The following NCAM1 variants were observed in gnomAD, a reference collection of about 807,000 sequenced individuals.
NCAM1 encodes the protein antigen recognized by monoclonal antibody 5.1H11.
Under a neutral mutation model 109.8 loss-of-function variants are expected in NCAM1, and 14 were observed. The ratio of observed to expected loss-of-function variants is 0.13; its 90% CI spans 0.08 to 0.20. The LOEUF (loss-of-function observed/expected upper bound fraction) is 0.20. Among genes scored for constraint, NCAM1 ranks in the 10% least tolerant of loss-of-function variants. The pLI is 1.00. For missense variants in NCAM1, 774 were observed against 1,109.9 expected (o/e 0.70, Z 4.30); for synonymous variants, 418 against 442.9 (o/e 0.94, Z 0.70).
At chr11:113,116,194 A>T (rs1940700829) in intron 1 of NCAM1, among the ~76,000 whole-genome samples, 1 of 152,242 alleles carries the variant, frequency 6.6e-6, no homozygotes, top group South Asian at 2.1e-4. Flanking sequence ...ACTAATTCAT[A>T]TATTTGTAGC....
rs1258138413 is a variant in NCAM1, at chr11:113,145,729, G to C, written c.53-56650G>C. Among the ~76,000 whole-genome samples, 10 of 152,254 alleles carry C rather than the reference G, an allele frequency of 6.6e-5. No individual in the cohort carries two copies. In the East Asian group the frequency reaches 1.5e-3, roughly 24 times the overall value. On this transcript the variant is annotated intron_variant, in intron 1 of 19. Transcript: ENST00000316851. ...TTGAGGTCAGAATGGCATTATCCTT[G>C]TGTGATTGGGAGCATGGACCCCACC...
intron 14 of NCAM1, among the ~76,000 whole-genome samples, chr11:113,244,941 C>G (rs1379042840): frequency 6.6e-6 from 1 of 152,158 alleles, no homozygotes; most frequent in African/African-American, 2.4e-5. Context: ...CTTCATCTCC[C>G]TTCTTTGCCC....
At chr11:113,207,096 A>G (rs544620521) in intron 5 of NCAM1, among the ~76,000 whole-genome samples, 165 bp from the exon 6 acceptor site, 1 of 152,372 alleles carries the variant, frequency 6.6e-6, no homozygotes, top group South Asian at 2.1e-4. Context: ...TGCAGAAGTT[A>G]TTTAGTACAT....
intron 14 of NCAM1, among the ~76,000 whole-genome samples, chr11:113,241,391 G>A (rs1005541484): frequency 3.9e-5 from 6 of 152,146 alleles, no homozygotes; most frequent in South Asian, 2.1e-4. Flanking sequence ...GGCAGTAGGC[G>A]CTTAGGCAAA....
Position 113,237,893 on chromosome 11 carries a change from TATAGATATATAG to T in NCAM1, c.1825+2733_1825+2744del, listed in dbSNP as rs1422117093. Among the ~76,000 whole-genome samples the T allele has an allele frequency of 5.6e-3, 315 of 56,548 alleles. 5 individuals carry two copies. Among genetic ancestry groups the T allele is most frequent in the African/African-American group, 0.016 (287 of 18,346 alleles). The allele number at this position is 56,548 out of a possible 152,430, so 37.1% of individuals were successfully genotyped here. A position where few individuals can be genotyped will look rare whatever the true frequency, so the allele number is the denominator to read the frequency against. On this transcript the variant is annotated intron_variant, in intron 14 of 19. Transcript: ENST00000316851. ...ATATAGATATATATAGATATATAGA[TATAGATATATAG>T]ATATATATAGATATATAGATATAGA... is the stretch of plus-strand genomic sequence containing the variant.
chr11:113,257,727 T>C (rs1285456022), intron 16 of NCAM1, among the ~76,000 whole-genome samples: 1 of 152,274 alleles, frequency 6.6e-6, no homozygotes, highest in East Asian at 1.9e-4. Flanking sequence ...TATAATTTTA[T>C]ATTATGAATA....
rs1555126750 is a variant in NCAM1 at position 113,277,005 on chromosome 11, A to C, written c.*1618A>C. 1 of 229,580 alleles carries C rather than the reference A, an allele frequency of 4.4e-6. No homozygotes were observed. Among genetic ancestry groups the C allele is most frequent in the East Asian group, 8.3e-5 (1 of 11,988 alleles). 14.2% of individuals were successfully genotyped at this position (229,580 alleles called of 1,614,324 possible). A position where few individuals can be genotyped will look rare whatever the true frequency, so the allele number is the denominator to read the frequency against. On this transcript the variant is annotated 3_prime_UTR_variant, in exon 20 of 20. Transcript: ENST00000316851. ...AACTTCAACATAGTTTGGTTGTGGA[A>C]GGTATAGCAGATAGTTCAGAAAAAA...
chr11:112,974,502 C>T (rs2134584581), intron 1 of NCAM1, among the ~76,000 whole-genome samples: 1 of 152,144 alleles, frequency 6.6e-6, no homozygotes, highest in African/African-American at 2.4e-5. Flanking sequence ...TGAGTACTTA[C>T]ATTTTCTTTT....
chr11:113,116,272 A>G (rs1376023471), intron 1 of NCAM1, among the ~76,000 whole-genome samples: 1 of 152,208 alleles, frequency 6.6e-6, no homozygotes, highest in African/African-American at 2.4e-5. Flanking sequence ...TCTATTTTTC[A>G]GTAAATAATC....
At chr11:113,096,180 T>TA (rs1212353874) in intron 1 of NCAM1, among the ~76,000 whole-genome samples, 2 of 152,112 alleles carry the variant, frequency 1.3e-5, no homozygotes, top group Non-Finnish European at 2.9e-5. Context: ...AGTGGGCACT[T>TA]ACCTAACAAC....
rs183759285 is a variant in NCAM1, at chr11:113,070,806, G to A, written c.52+109142G>A. ...TTTGCTGATAGACAGGGGAGAAAAG[G>A]CAGGAGCTAGGTGCTTGAGAAGGTG... On this transcript the variant is annotated intron_variant, in intron 1 of 19. Coordinates refer to ENST00000316851, the MANE Select transcript of NCAM1 (RefSeq NM_181351.5). Among the ~76,000 whole-genome samples, 130 of 152,272 alleles carry A rather than the reference G, an allele frequency of 8.5e-4. 1 individual carries two copies. In the Middle Eastern group the frequency reaches 0.014, roughly 16 times the overall value.
chr11:113,224,107 C>A (rs1944764899), intron 9 of NCAM1, among the ~76,000 whole-genome samples: 1 of 152,222 alleles, frequency 6.6e-6, no homozygotes, highest in African/African-American at 2.4e-5. Context: ...GTGCAGCGCA[C>A]CGAGCGTGAG....
chr11:113,082,377 G>A (rs567687440), intron 1 of NCAM1, among the ~76,000 whole-genome samples: 1 of 152,314 alleles, frequency 6.6e-6, no homozygotes, highest in Admixed American at 6.5e-5. Flanking sequence ...TTGAGAAAAT[G>A]TTTTGAGCAA....
intron 1 of NCAM1, among the ~76,000 whole-genome samples, chr11:113,072,012 G>A (rs1297487468): frequency 1.3e-5 from 2 of 152,090 alleles, no homozygotes; most frequent in African/African-American, 4.8e-5. Context: ...AGGTATGGTG[G>A]TGCATGCCTG....
At chr11:113,170,941 G>C (rs926527896) in intron 1 of NCAM1, among the ~76,000 whole-genome samples, 2 of 152,196 alleles carry the variant, frequency 1.3e-5, no homozygotes, top group African/African-American at 2.4e-5. Flanking sequence ...TTTGTGTTTA[G>C]AAATCTTCAG....
intron 1 of NCAM1, among the ~76,000 whole-genome samples, chr11:113,090,014 G>A (rs530232996): frequency 1.3e-5 from 2 of 152,312 alleles, no homozygotes; most frequent in African/African-American, 4.8e-5. Context: ...TTGACGAAAA[G>A]AGTATCCTCA....
intron 1 of NCAM1, among the ~76,000 whole-genome samples, chr11:113,057,594 A>C (rs1249591311): frequency 6.6e-6 from 1 of 152,122 alleles, no homozygotes; most frequent in East Asian, 1.9e-4. Flanking sequence ...ACTACACTAG[A>C]ATGGAGGAGA....
chr11:112,985,059 G>A (rs1426672782), intron 1 of NCAM1, among the ~76,000 whole-genome samples: 1 of 151,610 alleles, frequency 6.6e-6, no homozygotes, highest in Non-Finnish European at 1.5e-5. Context: ...TGATTTTTGT[G>A]TATGGTGTAA....
intron 16 of NCAM1, among the ~76,000 whole-genome samples, chr11:113,257,415 T>C (rs1591465495): frequency 6.6e-6 from 1 of 152,218 alleles, no homozygotes; most frequent in East Asian, 1.9e-4. Flanking sequence ...TAAAATAGCT[T>C]ATTGAGTTGT....
Sources: allele counts gnomAD v4.1 joint callset (sites outside exome capture counted in the v4.1 genomes callset), GRCh38; gene constraint gnomAD v4.1.1; transcripts MANE v1.5; gene names NCBI Gene and HGNC (gene_info 2026-07-23, HGNC 2026-07-21).